SCN4A: variants seen among roughly 807,000 people sequenced by gnomAD.
SCN4A encodes the protein sodium voltage-gated channel alpha subunit 4.
A neutral mutation model predicts 162.0 loss-of-function variants in SCN4A; 83 were observed. The ratio of observed to expected loss-of-function variants is 0.51; its 90% CI spans 0.43 to 0.61. The LOEUF is 0.61. Ranked by LOEUF, SCN4A falls within the 20% of genes least tolerant of loss-of-function variation. The pLI is 0.00. For missense variants in SCN4A, 2,196 were observed against 2,462.5 expected (o/e 0.89, Z 2.29); for synonymous variants, 944 against 985.1 (o/e 0.96, Z 0.78).
Position 63,972,498 on chromosome 17 carries a change from C to A in SCN4A, c.274-28G>T. The stretch of plus-strand genomic sequence containing the variant: ...AAGGTGGGAGAGAGGCTGTGAGACC[C>A]AGGGACAGACAGACAGGCAGACAGA... On this transcript the variant is annotated intron_variant, in intron 1 of 23. Coordinates refer to ENST00000435607, the MANE Select transcript of SCN4A (RefSeq NM_000334.4). The surrounding 1 kb of genome is among the most constrained non-coding windows in gnomAD (Gnocchi z 4.3). 2 of 1,609,610 alleles carry A rather than the reference C, an allele frequency of 1.2e-6. No individual in the cohort carries two copies. The highest frequency in any genetic ancestry group is 2.2e-5 in the South Asian group (2 of 90,378).
intron 13 of SCN4A, 118 bp downstream of exon 13, chr17:63,957,044 C>T (rs35043046): frequency 1.4e-3 from 935 of 678,960 alleles, no homozygotes; most frequent in Middle Eastern, 4.2e-3. Context: ...GGGGTTAAAC[C>T]ACATAAAATT....
intron 13 of SCN4A, among the ~76,000 whole-genome samples, chr17:63,956,838 C>T (rs1597976861): frequency 6.6e-6 from 1 of 152,246 alleles, no homozygotes; most frequent in Non-Finnish European, 1.5e-5. Flanking sequence ...TAGGTTCCAA[C>T]AGCGCTACTC....
At position 63,943,851 on chromosome 17, in the gene SCN4A, G is replaced by T; in HGVS notation, c.3913-1C>A. ...TCATAAAGATGTCTTTCCCCCCTAA[G>T]TATAGTGGGATAGGGCTTGTCAGGT... On this transcript the variant is annotated splice_acceptor_variant, in intron 21 of 23. Transcript: ENST00000435607. LOFTEE classifies it high-confidence loss of function. 1 of 1,582,240 alleles carries T rather than the reference G, an allele frequency of 6.3e-7. No homozygotes were observed. Among genetic ancestry groups the T allele is most frequent in the Non-Finnish European group, 8.7e-7 (1 of 1,151,014 alleles).
At chr17:63,955,028 G>A (rs1248339944) in intron 13 of SCN4A, among the ~76,000 whole-genome samples, 1 of 152,206 alleles carries the variant, frequency 6.6e-6, no homozygotes, top group East Asian at 1.9e-4. Flanking sequence ...TACATGTGAA[G>A]CACCCAGAAT....
rs770828503 is a variant in SCN4A at position 63,968,136 on chromosome 17, C to G, written c.923G>C (p.Gly308Ala). ...GTCATTGCCGTACCACATCTCATTG[C>G]CATACCATGTGTCATTGCCGTACCA... ...DTWYGNDTWY[G>A]NEMWYGNDSW... The change falls in exon 6 of 24, where the codon GGC (glycine) becomes GCC (alanine). Residue 308 changes from glycine to alanine, a missense_variant. Physicochemically the swap from Gly to Ala is moderately conservative, Grantham distance 60 (BLOSUM62 0). Transcript: ENST00000435607. 6.2e-7 allele frequency: 1 copy of G among 1,613,870 alleles called. No individual in the cohort carries two copies. Among genetic ancestry groups the G allele is most frequent in the Admixed American group, 1.7e-5 (1 of 60,018 alleles).
At chr17:63,946,956 T>C (rs1015632150) in intron 18 of SCN4A, 89 bp downstream of exon 18, 16 of 1,249,620 alleles carry the variant, frequency 1.3e-5, no homozygotes, top group Middle Eastern at 4.8e-4. Flanking sequence ...CTGGTGGTGG[T>C]TGGAGTATAG....
In SCN4A at chr17:63,972,845, C is replaced by G. The variant is rs565414568; in HGVS notation, c.-4G>C. 1.2e-6 allele frequency: 2 copies of G among 1,603,252 alleles called. No individual in the cohort carries two copies. Among genetic ancestry groups the G allele is most frequent in the Non-Finnish European group, 8.5e-7 (1 of 1,173,800 alleles). On this transcript the variant is annotated 5_prime_UTR_variant, in exon 1 of 24. Transcript: ENST00000435607. This position sits in a 1 kb window ranked among gnomAD's most constrained non-coding sequence, Gnocchi z 4.3. ...TGCACAGAGATGGTCTGGCCATCCT[C>G]GCATCCTGGGCTCAGAGACCAGAAG...
At chr17:63,952,276 G>C (rs948688292) in intron 13 of SCN4A, among the ~76,000 whole-genome samples, 2 of 151,756 alleles carry the variant, frequency 1.3e-5, no homozygotes, top group African/African-American at 2.4e-5. Context: ...CGCGATTTCG[G>C]CTCACGGCAA....
intron 8 of SCN4A, 72 bp downstream of exon 8, chr17:63,966,030 G>A: frequency 8.3e-7 from 1 of 1,210,172 alleles, no homozygotes; most frequent in South Asian, 1.3e-5. Context: ...GGCCCCATCA[G>A]GCCCTGAAGA....
chr17:63,961,029 C>T (rs926314725), intron 11 of SCN4A, among the ~76,000 whole-genome samples, 164 bp downstream of exon 11: 5 of 145,850 alleles, frequency 3.4e-5, no homozygotes, highest in African/African-American at 1.3e-4. Context: ...CCCAAGTACC[C>T]CCCCCCACAT....
At chr17:63,967,913 AC>A in intron 6 of SCN4A, 109 bp downstream of exon 6, 1 of 941,028 alleles carries the variant, frequency 1.1e-6, no homozygotes, top group South Asian at 1.6e-5. Context: ...AGCCTGGGTG[AC>A]AAGAGTGAGA....
chr17:63,960,439 T>C (rs910011987), intron 11 of SCN4A, among the ~76,000 whole-genome samples: 1 of 152,168 alleles, frequency 6.6e-6, no homozygotes, highest in East Asian at 1.9e-4. Flanking sequence ...GCCCTGGTTC[T>C]CTCCCAGACC....
intron 5 of SCN4A, 103 bp downstream of exon 5, chr17:63,971,059 A>G (rs1203854303): frequency 1.3e-6 from 1 of 791,844 alleles, no homozygotes; most frequent in African/African-American, 1.7e-5. Context: ...GTTCTACAAA[A>G]ACACCAGCCT....
rs1157155396 is a variant in SCN4A, at chr17:63,951,255, G to A, written c.2853+169C>T. Among the ~76,000 whole-genome samples, 1 of 152,138 alleles carries A rather than the reference G, an allele frequency of 6.6e-6. No individual in the cohort carries two copies. The highest frequency in any genetic ancestry group is 1.5e-5 in the Non-Finnish European group (1 of 68,022). The stretch of plus-strand genomic sequence containing the variant: ...GTGACTGCCACCACTCACAGGGCGC[G>A]GACTGCATGCTTTACATACAGCGTC... On this transcript the variant is annotated intron_variant, in intron 14 of 23. Transcript: ENST00000435607. The surrounding 1 kb of genome is among the most constrained non-coding windows in gnomAD (Gnocchi z 4.5).
rs140987365 is a variant in SCN4A, at chr17:63,944,919, G to A, written c.3774+88C>T. The A allele has an allele frequency of 8.3e-4, 1,327 of 1,589,828 alleles. 6 individuals carry two copies. In the African/African-American group the frequency reaches 0.016, roughly 19 times the overall value. ...CACCCCCAGGGCTGCCAAGTCTCGG[G>A]GACAGAACGTGCTGCCAAGTCTCCC... On this transcript the variant is annotated intron_variant, in intron 20 of 23. Transcript: ENST00000435607. This position sits in a 1 kb window ranked among gnomAD's most constrained non-coding sequence, Gnocchi z 4.3.
Position 63,969,818 on chromosome 17 carries a change from T to C in SCN4A, c.703+1344A>G, listed in dbSNP as rs568310504. On this transcript the variant is annotated intron_variant, in intron 5 of 23. Coordinates refer to ENST00000435607, the MANE Select transcript of SCN4A (RefSeq NM_000334.4). ...CCACCACGCCCAGCTAATTTTTGTA[T>C]TTTGAGTAGAGACGGGGTTTCACCA... Among the ~76,000 whole-genome samples, 59 of 152,176 alleles carry C rather than the reference T, an allele frequency of 3.9e-4. 1 individual carries two copies. In the South Asian group the frequency reaches 0.012, roughly 32 times the overall value.
chr17:63,940,903 C>T lies in SCN4A; in HGVS notation c.5379G>A (p.Glu1793=). The T allele has an allele frequency of 1.2e-6, 2 of 1,613,960 alleles. No homozygotes were observed. Among genetic ancestry groups the T allele is most frequent in the South Asian group, 2.2e-5 (2 of 91,084 alleles). ...CGGCGTCCCCTGCCTCGCCCTTCTCCTCCGGGCTTGGCGAGCTGCTGTTCC... is the reference window on the plus strand; with the variant it reads ...CGGCGTCCCCTGCCTCGCCCTTCTCTTCCGGGCTTGGCGAGCTGCTGTTCC... ...ENGNSSSPSP[E]EKGEAGDAGP... is the part of the protein sequence containing the mutation. Residue 1793 remains glutamate (E), a synonymous_variant, in exon 24 of 24, where the codon GAG becomes GAA. Transcript: ENST00000435607.
intron 13 of SCN4A, 98 bp downstream of exon 13, chr17:63,957,064 G>A: frequency 1.2e-6 from 1 of 815,100 alleles, no homozygotes; most frequent in Non-Finnish European, 1.9e-6. Context: ...TGCCATTTTG[G>A]AGAGGATGTG....
rs1422026178 is a variant in SCN4A, at chr17:63,945,897, C to A, written c.3442-259G>T. On this transcript the variant is annotated intron_variant, in intron 18 of 23. Coordinates refer to ENST00000435607, the MANE Select transcript of SCN4A (RefSeq NM_000334.4). The surrounding 1 kb of genome is among the most constrained non-coding windows in gnomAD (Gnocchi z 4.4). The stretch of plus-strand genomic sequence containing the variant: ...AGCCCAGAGTAGGGGTGCTGGGTTT[C>A]TCTGGAAGCAGCCTGGTCACAGGTC... Among the ~76,000 whole-genome samples, 1 of 152,074 alleles carries A rather than the reference C, an allele frequency of 6.6e-6. No homozygotes were observed.
Sources: gnomAD v4.1 joint callset for allele counts (sites outside exome capture counted in the v4.1 genomes callset) on GRCh38, gnomAD v4.1.1 for gene constraint, Gnocchi (gnomAD v3.1) non-coding constraint, MANE v1.5 for transcripts, NCBI Gene and HGNC (gene_info 2026-07-23, HGNC 2026-07-21) for gene names.